The following LRP1B variants were observed in gnomAD, a reference collection of about 807,000 sequenced individuals.
LRP1B encodes low-density lipoprotein receptor-related protein 1B.
In LRP1B, 217 loss-of-function variants were observed where a neutral mutation model predicts 556.6. The observed-to-expected ratio is 0.39, with a 90% CI of 0.35 to 0.44. The LOEUF is 0.44. LRP1B is among the 20% of genes least tolerant of loss of function. LRP1B has a pLI of 1.00. For missense variants in LRP1B, 5,053 were observed against 5,620.8 expected (o/e 0.90, Z 3.23); for synonymous variants, 2,047 against 1,865.8 (o/e 1.10, Z -2.50).
intron 31 of LRP1B, among the ~76,000 whole-genome samples, chr2:140,836,818 C>T (rs1691920802): frequency 6.6e-6 from 1 of 152,146 alleles, no homozygotes; most frequent in African/African-American, 2.4e-5. Flanking sequence ...ATTGGGGAGA[C>T]TATCAATCTT....
chr2:141,874,205 C>T (rs912935749), intron 1 of LRP1B, among the ~76,000 whole-genome samples: 1 of 144,996 alleles, frequency 6.9e-6, no homozygotes, highest in Admixed American at 7.2e-5. Flanking sequence ...AGCTGGCATA[C>T]ATTTCACTGA....
At chr2:141,151,985 C>CCT (rs1250018949) in intron 7 of LRP1B, among the ~76,000 whole-genome samples, 3 of 151,872 alleles carry the variant, frequency 2.0e-5, no homozygotes, top group African/African-American at 7.2e-5. Flanking sequence ...TAATATCTTG[C>CCT]TTTTTCAGTT....
At chr2:141,782,818 A>T (rs898318591) in intron 2 of LRP1B, among the ~76,000 whole-genome samples, 3 of 152,042 alleles carry the variant, frequency 2.0e-5, no homozygotes, top group African/African-American at 7.2e-5. Flanking sequence ...TTCAATTCAG[A>T]TCAATAAATT....
chr2:140,839,276 A>G (rs535172700), intron 31 of LRP1B, among the ~76,000 whole-genome samples: 1 of 152,348 alleles, frequency 6.6e-6, no homozygotes, highest in African/African-American at 2.4e-5. Flanking sequence ...CTATTCAGAT[A>G]AAGAATGTTT....
intron 86 of LRP1B, chr2:140,269,473 T>G (rs1016793617): frequency 2.3e-5 from 10 of 425,590 alleles, no homozygotes; most frequent in Admixed American, 5.4e-5. Flanking sequence ...GATAGTAACA[T>G]TCAAACGAAA....
At chr2:140,735,280 A>G (rs114589514) in intron 35 of LRP1B, among the ~76,000 whole-genome samples, 3,112 of 152,294 alleles carry the variant, frequency 0.02, 109 homozygotes, top group Admixed American at 0.073. Flanking sequence ...AAAGGAAACA[A>G]TGCCTATAAA....
At position 140,702,232 on chromosome 2, in the gene LRP1B, T is replaced by C. The variant is rs1686671904; in HGVS notation, c.6211A>G (p.Thr2071Ala). The change falls in exon 39 of 91, where the codon ACT becomes GCT. Residue 2071 changes from threonine (T) to alanine (A), a missense_variant. By Grantham distance (58) the Thr-to-Ala change is moderately conservative (BLOSUM62 0). Transcript: ENST00000389484. Reference protein sequence around the residue: ...TDKIERIDLETGGNREMVLSG... With the variant: ...TDKIERIDLEAGGNREMVLSG... ...AGCACCATCTCGCGATTCCCTCCAGTCTCAAGGTCGATTCTCTCTATCTTG... is the reference window on the plus strand; with the variant it reads ...AGCACCATCTCGCGATTCCCTCCAGCCTCAAGGTCGATTCTCTCTATCTTG... 2 of 1,613,672 alleles carry C rather than the reference T, an allele frequency of 1.2e-6. No homozygotes were observed. Among genetic ancestry groups the C allele is most frequent in the Admixed American group, 1.7e-5 (1 of 59,928 alleles).
chr2:140,462,666 G>A (rs1687370851), intron 60 of LRP1B, among the ~76,000 whole-genome samples: 1 of 152,216 alleles, frequency 6.6e-6, no homozygotes, highest in African/African-American at 2.4e-5. Context: ...GGGTGAGGTA[G>A]TCCACATAAG....
intron 2 of LRP1B, among the ~76,000 whole-genome samples, chr2:141,803,029 G>T (rs1696057945): frequency 6.6e-6 from 1 of 151,952 alleles, no homozygotes; most frequent in African/African-American, 2.4e-5. Context: ...TCATTTCAAA[G>T]TTTTCATTCC....
intron 2 of LRP1B, among the ~76,000 whole-genome samples, chr2:141,774,444 C>G (rs1172761105): frequency 6.6e-6 from 1 of 152,066 alleles, no homozygotes; most frequent in Non-Finnish European, 1.5e-5. Context: ...TGAGACCTCA[C>G]TCAATCACCG....
chr2:141,978,062 G>T (rs1038940797), intron 1 of LRP1B, among the ~76,000 whole-genome samples: 1 of 151,868 alleles, frequency 6.6e-6, no homozygotes, highest in African/African-American at 2.4e-5. Flanking sequence ...TTTTAAATGC[G>T]GTTTTGGTAT....
At chr2:141,301,295 C>T (rs1686387662) in intron 3 of LRP1B, among the ~76,000 whole-genome samples, 1 of 152,096 alleles carries the variant, frequency 6.6e-6, no homozygotes, top group Non-Finnish European at 1.5e-5. Flanking sequence ...AATGAAGTGG[C>T]TTCTAGTTTT....
intron 35 of LRP1B, among the ~76,000 whole-genome samples, chr2:140,746,717 A>T (rs1428581064): frequency 6.6e-6 from 1 of 152,140 alleles, no homozygotes; most frequent in Non-Finnish European, 1.5e-5. Flanking sequence ...GGGGTTGTGC[A>T]TTCCTGATTA....
chr2:140,377,010 A>G (rs1290710245), intron 68 of LRP1B, among the ~76,000 whole-genome samples: 1 of 152,122 alleles, frequency 6.6e-6, no homozygotes, highest in African/African-American at 2.4e-5. Context: ...ATGCTTCTCA[A>G]CCAGAGCAGC....
chr2:140,688,472 A>G (rs1686126675), intron 41 of LRP1B, among the ~76,000 whole-genome samples: 2 of 151,984 alleles, frequency 1.3e-5, no homozygotes, highest in Admixed American at 1.3e-4. Context: ...AAACAAAAAA[A>G]AGAAAATGAG....
chr2:141,564,528 G>A (rs919160271), intron 2 of LRP1B, among the ~76,000 whole-genome samples: 3 of 152,134 alleles, frequency 2.0e-5, no homozygotes, highest in Non-Finnish European at 4.4e-5. Flanking sequence ...TTTGAATCAA[G>A]GTGATGTGAC....
At chr2:141,808,529 C>T (rs1353373837) in intron 2 of LRP1B, among the ~76,000 whole-genome samples, 1 of 152,076 alleles carries the variant, frequency 6.6e-6, no homozygotes, top group East Asian at 1.9e-4. Context: ...TCCTATATTT[C>T]TTCATCCATA....
intron 3 of LRP1B, among the ~76,000 whole-genome samples, chr2:141,408,447 T>A (rs1690721694): frequency 6.6e-6 from 1 of 151,976 alleles, no homozygotes; most frequent in Non-Finnish European, 1.5e-5. Flanking sequence ...CCTGGCCAGG[T>A]TTCATAAGGT....
At chr2:140,257,871 T>C (rs570463121) in intron 86 of LRP1B, among the ~76,000 whole-genome samples, 5 of 152,252 alleles carry the variant, frequency 3.3e-5, no homozygotes, top group African/African-American at 1.2e-4. Context: ...TTCCTTAGGC[T>C]CTTCTTAAGC....
Sources: allele counts gnomAD v4.1 joint callset (sites outside exome capture counted in the v4.1 genomes callset), GRCh38; gene constraint gnomAD v4.1.1; transcripts MANE v1.5; gene names NCBI Gene and HGNC (gene_info 2026-07-23, HGNC 2026-07-21).